ADAM10: variants seen among roughly 807,000 people sequenced by gnomAD.
ADAM10 encodes the protein disintegrin and metalloproteinase domain-containing protein 10.
Under a neutral mutation model 90.1 loss-of-function variants are expected in ADAM10, and 17 were observed. The observed-to-expected ratio is 0.19, with a 90% CI of 0.13 to 0.28. The LOEUF (loss-of-function observed/expected upper bound fraction) is 0.28. Ranked by LOEUF, ADAM10 falls within the 10% of genes least tolerant of loss-of-function variation. The pLI is 1.00. For missense variants in ADAM10, 610 were observed against 914.3 expected, an observed-to-expected ratio of 0.67 and a Z score of 4.29; for synonymous variants, 310 against 298.6, an observed-to-expected ratio of 1.04 and a Z score of -0.40.
intron 10 of ADAM10, among the ~76,000 whole-genome samples, chr15:58,625,578 C>A (rs1430227306): frequency 6.6e-6 from 1 of 152,146 alleles, no homozygotes; most frequent in African/African-American, 2.4e-5. Context: ...AGTATGGCCA[C>A]CCTGGAAAAG....
intron 1 of ADAM10, among the ~76,000 whole-genome samples, chr15:58,729,333 G>T (rs453673): frequency 1 from 152,051 of 152,382 alleles, 75,860 homozygotes; most frequent in Middle Eastern, 1. Context: ...ATTAAATCTT[G>T]TTCCGTATCT....
intron 5 of ADAM10, among the ~76,000 whole-genome samples, chr15:58,651,890 C>G (rs1174348274): frequency 2.0e-5 from 3 of 152,154 alleles, no homozygotes; most frequent in Non-Finnish European, 4.4e-5. Context: ...TTCCTTTTCC[C>G]CACATCCTCA....
intron 12 of ADAM10, 94 bp downstream of exon 12, chr15:58,611,714 A>T: frequency 8.3e-7 from 1 of 1,202,738 alleles, no homozygotes; most frequent in Non-Finnish European, 1.2e-6. Flanking sequence ...GACCAAGATT[A>T]ATTACTTTAA....
In ADAM10 at chr15:58,590,434, T is replaced by TA. The variant is rs1315873811; in HGVS notation, c.*7112dup. 6.6e-6 allele frequency: 1 copy of TA among 152,234 alleles called. No homozygotes were observed. The highest frequency in any genetic ancestry group is 1.9e-4 in the East Asian group (1 of 5,202). The allele number at this position is 152,234 out of a possible 1,614,324, so 9.4% of individuals were successfully genotyped here. ...CAAGGCCCTGGCACAATCAAGTGCC[T>TA]AAGAAGTATCTGTGAGTAAGGTAAC... On this transcript the variant is annotated 3_prime_UTR_variant, in exon 16 of 16. Transcript: ENST00000260408.
chr15:58,646,270 A>G, intron 5 of ADAM10, 66 bp from the exon 6 acceptor site: 1 of 1,462,390 alleles, frequency 6.8e-7, no homozygotes, highest in Non-Finnish European at 9.4e-7. Flanking sequence ...TCTAATTAAG[A>G]ATACATACTA....
At chr15:58,622,976 G>C (rs564119477) in intron 10 of ADAM10, among the ~76,000 whole-genome samples, 2 of 152,236 alleles carry the variant, frequency 1.3e-5, no homozygotes, top group East Asian at 3.9e-4. Context: ...CTACGATCTG[G>C]TGCTCTTTTC....
chr15:58,698,974 G>A (rs768028934), intron 2 of ADAM10, among the ~76,000 whole-genome samples: 4 of 152,096 alleles, frequency 2.6e-5, no homozygotes, highest in Non-Finnish European at 5.9e-5. Flanking sequence ...AACTCGAAAA[G>A]GTCTCTGCCA....
At chr15:58,626,899 A>G (rs2140665387) in intron 10 of ADAM10, among the ~76,000 whole-genome samples, 1 of 152,320 alleles carries the variant, frequency 6.6e-6, no homozygotes, top group South Asian at 2.1e-4. Flanking sequence ...GATTACATTC[A>G]CATTCAACAT....
At chr15:58,635,168 G>A (rs1006068818) in intron 8 of ADAM10, among the ~76,000 whole-genome samples, 10 of 151,086 alleles carry the variant, frequency 6.6e-5, no homozygotes, top group East Asian at 3.9e-4. Flanking sequence ...CCAGCTACTC[G>A]GGAGGCTGAG....
chr15:58,601,060 T>G (rs1269197958), intron 14 of ADAM10, among the ~76,000 whole-genome samples: 1 of 152,204 alleles, frequency 6.6e-6, no homozygotes, highest in Non-Finnish European at 1.5e-5. Flanking sequence ...AGCCACTTTT[T>G]CTTTGTGTAC....
intron 1 of ADAM10, among the ~76,000 whole-genome samples, chr15:58,724,486 A>G (rs1414573434): frequency 1.3e-5 from 2 of 152,352 alleles, no homozygotes; most frequent in African/African-American, 2.4e-5. Flanking sequence ...ATCTACTACA[A>G]CTGGCCCAGC....
intron 2 of ADAM10, among the ~76,000 whole-genome samples, chr15:58,683,859 C>CA (rs71425819): frequency 0.059 from 3,892 of 66,286 alleles, 331 homozygotes; most frequent in African/African-American, 0.13. Flanking sequence ...GGCTCCATCT[C>CA]AAAAAAAAAA....
chr15:58,616,213 T>G (rs924502200), intron 11 of ADAM10, among the ~76,000 whole-genome samples: 3 of 152,174 alleles, frequency 2.0e-5, no homozygotes, highest in East Asian at 3.8e-4. Flanking sequence ...TTCTCAGCAC[T>G]GGACAGATAA....
chr15:58,738,756 T>C (rs2140846581), intron 1 of ADAM10, among the ~76,000 whole-genome samples: 1 of 152,356 alleles, frequency 6.6e-6, no homozygotes, highest in Non-Finnish European at 1.5e-5. Context: ...ATCAAAAAAT[T>C]GAAATGTGTA....
intron 1 of ADAM10, among the ~76,000 whole-genome samples, chr15:58,727,146 T>C (rs1478958721): frequency 6.8e-6 from 1 of 146,358 alleles, no homozygotes; most frequent in Non-Finnish European, 1.5e-5. Flanking sequence ...AACTGGAAAC[T>C]GGTGCACCAC....
In ADAM10 at chr15:58,674,439, A is replaced by C. The variant is rs1432222134; in HGVS notation, c.484+4685T>G. Reference sequence around the variant, plus strand: ...TTTCCAGTTGGCTACATAGTTTGTCACAACTCAATATGCTTATGCAGATTT... The same window carrying C: ...TTTCCAGTTGGCTACATAGTTTGTCCCAACTCAATATGCTTATGCAGATTT... On this transcript the variant is annotated intron_variant, in intron 4 of 15. Coordinates refer to ENST00000260408, the MANE Select transcript of ADAM10 (RefSeq NM_001110.4). 2.6e-5 allele frequency among the ~76,000 whole-genome samples: 4 copies of C among 152,216 alleles called. No individual in the cohort carries two copies. In the East Asian group the frequency reaches 7.7e-4, roughly 29 times the overall value.
At chr15:58,710,566 A>C (rs1898442440) in intron 2 of ADAM10, among the ~76,000 whole-genome samples, 2 of 152,226 alleles carry the variant, frequency 1.3e-5, no homozygotes, top group African/African-American at 2.4e-5. Flanking sequence ...TATCCTAGAA[A>C]ATCCAATACT....
chr15:58,713,201 A>C (rs1430548254), intron 2 of ADAM10, among the ~76,000 whole-genome samples: 2 of 152,090 alleles, frequency 1.3e-5, no homozygotes. Flanking sequence ...TCCTAGACTC[A>C]AGTGATCCTC....
chr15:58,705,532 C>T (rs766730170), intron 2 of ADAM10, among the ~76,000 whole-genome samples: 2 of 152,120 alleles, frequency 1.3e-5, no homozygotes, highest in Non-Finnish European at 2.9e-5. Flanking sequence ...AGTTTTACCA[C>T]GTCGTAGTAA....
Sources: allele counts gnomAD v4.1 joint callset (sites outside exome capture counted in the v4.1 genomes callset), GRCh38; gene constraint gnomAD v4.1.1; transcripts MANE v1.5; gene names NCBI Gene and HGNC (gene_info 2026-07-23, HGNC 2026-07-21).